Variants in NEMF observed in about 807,000 individuals in gnomAD.
NEMF encodes the protein nuclear export mediator factor, also known as ribosome quality control complex subunit NEMF.
NEMF carries 89 observed loss-of-function variants against 162.2 expected under a neutral mutation model. That is an observed-to-expected ratio of 0.55 (90% CI 0.46 to 0.65). The LOEUF is 0.65. Ranked by LOEUF, NEMF falls within the 30% of genes least tolerant of loss-of-function variation. The pLI is 0.00. For missense variants in NEMF, 1,133 were observed against 1,261.9 expected (o/e 0.90, Z 1.55); for synonymous variants, 421 against 404.5 (o/e 1.04, Z -0.49).
chr14:49,815,138 A>C (rs1391812289), intron 16 of NEMF, among the ~76,000 whole-genome samples: 1 of 152,230 alleles, frequency 6.6e-6, no homozygotes, highest in East Asian at 1.9e-4. Flanking sequence ...AATTTCATAA[A>C]GCAAAAGTAT....
rs578150460 is a variant in NEMF, at chr14:49,835,986, C to CTCAATGTA, written c.575-1545_575-1538dup. 3.3e-3 allele frequency among the ~76,000 whole-genome samples: 507 copies of CTCAATGTA among 152,254 alleles called. 3 individuals carry two copies. The highest frequency in any genetic ancestry group is 0.012 in the African/African-American group (488 of 41,552). On this transcript the variant is annotated intron_variant, in intron 6 of 32. Transcript: ENST00000298310. The stretch of plus-strand genomic sequence containing the variant: ...TCAGACATTCTCTCTTCATAGAAGA[C>CTCAATGTA]TCAATGTAGTTAAAACGGCAATTCT...
chr14:49,832,145 A>G lies in NEMF; in HGVS notation c.807-19T>C, dbSNP rs775077624. 3 of 1,598,240 alleles carry G rather than the reference A, an allele frequency of 1.9e-6. No individual in the cohort carries two copies. The highest frequency in any genetic ancestry group is 1.1e-5 in the South Asian group (1 of 88,600). ...CTCATACCTGTAAAACATATTTATT[A>G]TATCACATTCGAGAACATTAACAAA... is the stretch of plus-strand genomic sequence containing the variant. On this transcript the variant is annotated intron_variant, in intron 9 of 32. Coordinates refer to ENST00000298310, the MANE Select transcript of NEMF (RefSeq NM_004713.6).
intron 18 of NEMF, among the ~76,000 whole-genome samples, chr14:49,809,433 G>T (rs1181866015): frequency 6.6e-6 from 1 of 152,186 alleles, no homozygotes; most frequent in Non-Finnish European, 1.5e-5. Flanking sequence ...GTGGTTGTCG[G>T]GGGTTGGGGG....
intron 4 of NEMF, among the ~76,000 whole-genome samples, chr14:49,842,899 G>C (rs932903577): frequency 2.0e-5 from 3 of 151,782 alleles, no homozygotes. Flanking sequence ...CCAGCTACTC[G>C]GGAGGCTAAG....
At chr14:49,839,415 G>A (rs1180472332) in intron 5 of NEMF, 2 of 152,182 alleles carry the variant, frequency 1.3e-5, no homozygotes, top group Admixed American at 6.5e-5. Context: ...GACTAGTTAA[G>A]TGAAGCAGTG....
Position 49,782,996 on chromosome 14 carries a change from A to G in NEMF, c.*1640T>C, listed in dbSNP as rs777786527. The stretch of plus-strand genomic sequence containing the variant: ...CTATGATCACCTTGCATGGACAGCA[A>G]TCCTGTAAACATCACAGAGTGGCAT... On this transcript the variant is annotated 3_prime_UTR_variant, in exon 33 of 33. Transcript: ENST00000298310. 24 of 1,590,034 alleles carry G rather than the reference A, an allele frequency of 1.5e-5. No individual in the cohort carries two copies. The highest frequency in any genetic ancestry group is 2.0e-5 in the Non-Finnish European group (23 of 1,166,742).
At chr14:49,820,290 T>C (rs1488367036) in intron 16 of NEMF, 8 of 388,770 alleles carry the variant, frequency 2.1e-5, no homozygotes, top group Non-Finnish European at 3.6e-5. Context: ...TGTGTGTTTG[T>C]TGAAATGACA....
At chr14:49,825,990 TAAG>T in intron 15 of NEMF, 35 bp from the exon 16 acceptor site, 1 of 1,430,012 alleles carries the variant, frequency 7.0e-7, no homozygotes, top group Non-Finnish European at 9.7e-7. Context: ...AACAATTTGT[TAAG>T]AATGTATTTA....
rs765612225 is a variant in NEMF at position 49,789,290 on chromosome 14, T to C, written c.2751A>G (p.Thr917=). ...EKGKKGKKGK[T]KDEPVKKQPQ... Reference sequence around the variant, plus strand: ...GCTGTTTCTTCACAGGTTCGTCCTTTGTTTTTCCTTTCTTCCCCTTCTTCC... The same window carrying C: ...GCTGTTTCTTCACAGGTTCGTCCTTCGTTTTTCCTTTCTTCCCCTTCTTCC... Residue 917 remains threonine, a synonymous_variant, in exon 28 of 33, where the codon ACA becomes ACG. Coordinates refer to ENST00000298310, the MANE Select transcript of NEMF (RefSeq NM_004713.6). 4.3e-6 allele frequency: 7 copies of C among 1,614,208 alleles called. No homozygotes were observed. Among genetic ancestry groups the C allele is most frequent in the Non-Finnish European group, 4.2e-6 (5 of 1,180,034 alleles).
intron 25 of NEMF, chr14:49,796,474 AT>A (rs112822505): frequency 0.025 from 6,061 of 239,994 alleles, 1 homozygote; most frequent in South Asian, 0.05. Context: ...CATACTCTGA[AT>A]TTTTTTTTTT....
intron 4 of NEMF, among the ~76,000 whole-genome samples, chr14:49,845,809 T>TA (rs1302870807): frequency 3.3e-5 from 5 of 152,220 alleles, no homozygotes; most frequent in Non-Finnish European, 7.3e-5. Flanking sequence ...TCACTATACA[T>TA]ACAGCGCATC....
chr14:49,819,561 T>C (rs985145504), intron 16 of NEMF, among the ~76,000 whole-genome samples: 2 of 151,936 alleles, frequency 1.3e-5, no homozygotes, highest in African/African-American at 4.8e-5. Flanking sequence ...ACTACAGGTG[T>C]GCACAACCAC....
At chr14:49,843,790 A>G (rs1228202517) in intron 4 of NEMF, among the ~76,000 whole-genome samples, 2 of 152,202 alleles carry the variant, frequency 1.3e-5, no homozygotes, top group African/African-American at 2.4e-5. Context: ...AGTACAGTAA[A>G]AATATGGTAT....
chr14:49,793,891 G>A (rs1393690272), intron 26 of NEMF, among the ~76,000 whole-genome samples: 1 of 132,172 alleles, frequency 7.6e-6, no homozygotes, highest in Non-Finnish European at 1.6e-5. Context: ...GGTTTACACA[G>A]CATTTCTGTC....
intron 26 of NEMF, among the ~76,000 whole-genome samples, chr14:49,790,077 C>T (rs1044977649): frequency 9.9e-5 from 15 of 152,072 alleles, no homozygotes; most frequent in Admixed American, 7.2e-4. Context: ...ATCTAGGCCC[C>T]ACCCTAGAGA....
intron 3 of NEMF, among the ~76,000 whole-genome samples, chr14:49,847,251 G>T (rs1893549922): frequency 6.6e-6 from 1 of 151,770 alleles, no homozygotes; most frequent in Non-Finnish European, 1.5e-5. Flanking sequence ...ACCCAGGCTG[G>T]AGTACAGTAG....
At chr14:49,828,903 C>T in intron 13 of NEMF, 96 bp from the exon 14 acceptor site, 3 of 1,274,374 alleles carry the variant, frequency 2.4e-6, no homozygotes, top group Non-Finnish European at 3.2e-6. Context: ...GTTTACAGTA[C>T]TGGAAGTTTC....
chr14:49,837,414 G>C (rs1273360684), intron 6 of NEMF, among the ~76,000 whole-genome samples: 2 of 152,224 alleles, frequency 1.3e-5, no homozygotes, highest in East Asian at 3.9e-4. Flanking sequence ...CAATTTGGGT[G>C]GCCAAGGTGG....
At chr14:49,820,553 G>T in intron 16 of NEMF, 1 of 454,358 alleles carries the variant, frequency 2.2e-6, no homozygotes, top group South Asian at 1.6e-5. Flanking sequence ...TGGATCACTT[G>T]AGGTCAGGAG....
Sources: gnomAD v4.1 joint callset for allele counts (sites outside exome capture counted in the v4.1 genomes callset) on GRCh38, gnomAD v4.1.1 for gene constraint, MANE v1.5 for transcripts, NCBI Gene and HGNC (gene_info 2026-07-23, HGNC 2026-07-21) for gene names.